The following PSMB2 variants were observed in gnomAD, a reference collection of about 807,000 sequenced individuals.
The protein encoded by PSMB2 is proteasome 20S subunit beta 2.
A neutral mutation model predicts 25.7 loss-of-function variants in PSMB2; 13 were observed. The observed-to-expected ratio is 0.51, with a 90% CI of 0.33 to 0.80. The LOEUF (loss-of-function observed/expected upper bound fraction) is 0.80, where lower values mean the gene tolerates loss of function less well. Among genes scored for constraint, PSMB2 ranks in the 30% least tolerant of loss-of-function variants. The pLI, the probability that PSMB2 is intolerant of heterozygous loss-of-function variation, is 0.02. For missense variants in PSMB2, 202 were observed against 259.0 expected (o/e 0.78, Z 1.51); for synonymous variants, 87 against 96.2 (o/e 0.90, Z 0.56).
chr1:35,622,060 C>A (rs574384), intron 3 of PSMB2, among the ~76,000 whole-genome samples: 100,838 of 152,062 alleles, frequency 0.66, 39,492 homozygotes, highest in Non-Finnish European at 0.9. Flanking sequence ...TAAATATACA[C>A]GTAACAACCT....
chr1:35,621,485 T>C (rs1231640373), intron 3 of PSMB2, among the ~76,000 whole-genome samples: 1 of 152,170 alleles, frequency 6.6e-6, no homozygotes, highest in East Asian at 1.9e-4. Context: ...GAAAAGGAAG[T>C]GTAGAATTCT....
intron 4 of PSMB2, among the ~76,000 whole-genome samples, chr1:35,607,976 A>G (rs1195314818): frequency 6.6e-6 from 1 of 152,248 alleles, no homozygotes; most frequent in Non-Finnish European, 1.5e-5. Context: ...TCATATGTAG[A>G]AGCTAAAAAA....
At chr1:35,608,080 A>C (rs1265738691) in intron 4 of PSMB2, among the ~76,000 whole-genome samples, 2 of 152,154 alleles carry the variant, frequency 1.3e-5, no homozygotes, top group Admixed American at 1.3e-4. Context: ...AAGATACGAA[A>C]TTGGCAGGAC....
chr1:35,617,543 T>C (rs1271880776), intron 3 of PSMB2, among the ~76,000 whole-genome samples: 1 of 152,190 alleles, frequency 6.6e-6, no homozygotes, highest in Admixed American at 6.5e-5. Context: ...TTTCCACATT[T>C]GGAATGTGAA....
chr1:35,638,594 T>C (rs559428534), intron 1 of PSMB2, among the ~76,000 whole-genome samples: 1 of 152,338 alleles, frequency 6.6e-6, no homozygotes. Flanking sequence ...TCCAATATTA[T>C]GATACTCAGT....
rs201814866 is a variant in PSMB2, at chr1:35,624,773, CA to C, written c.285+6500del. On this transcript the variant is annotated intron_variant, in intron 3 of 5. Coordinates refer to ENST00000373237, the MANE Select transcript of PSMB2 (RefSeq NM_002794.5). Reference sequence around the variant, plus strand: ...GTCTCAAAAAAAACAAAAACAAAAACAAAAAAACGCCAGGCACGGTGGCTCA... The same window carrying C: ...GTCTCAAAAAAAACAAAAACAAAAACAAAAAACGCCAGGCACGGTGGCTCA... 4.8e-3 allele frequency among the ~76,000 whole-genome samples: 723 copies of C among 151,174 alleles called. 7 individuals are homozygous for C. The highest frequency in any genetic ancestry group is 0.016 in the African/African-American group (657 of 41,166).
At chr1:35,635,985 T>C (rs998159573) in intron 2 of PSMB2, among the ~76,000 whole-genome samples, 3 of 152,220 alleles carry the variant, frequency 2.0e-5, no homozygotes, top group Admixed American at 6.5e-5. Flanking sequence ...TACTTTAGTA[T>C]GTGACTGTAT....
At chr1:35,629,612 C>T (rs1651029457) in intron 3 of PSMB2, among the ~76,000 whole-genome samples, 1 of 152,098 alleles carries the variant, frequency 6.6e-6, no homozygotes, top group African/African-American at 2.4e-5. Context: ...AGTTCAAGAC[C>T]AGCCTGGGCC....
chr1:35,634,970 T>C (rs1309662687), intron 2 of PSMB2, among the ~76,000 whole-genome samples: 1 of 152,104 alleles, frequency 6.6e-6, no homozygotes, highest in Admixed American at 6.6e-5. Flanking sequence ...AAAAACTTTT[T>C]TGTAGAAGGC....
Position 35,603,055 on chromosome 1 carries a change from A to C in PSMB2, c.*212T>G. The C allele has an allele frequency of 7.5e-7, 1 of 1,325,936 alleles. No individual in the cohort carries two copies. Among genetic ancestry groups the C allele is most frequent in the Non-Finnish European group, 9.6e-7 (1 of 1,036,850 alleles). The allele number at this position is 1,325,936 out of a possible 1,614,324, so 82.1% of individuals were successfully genotyped here. A position where few individuals can be genotyped will look rare whatever the true frequency, so the allele number is the denominator to read the frequency against. ...TAATGGAGGGCGGAGCAGGAAGAAA[A>C]GTCAGACCTGGCAAAAAGATCATCT... On this transcript the variant is annotated 3_prime_UTR_variant, in exon 6 of 6. Transcript: ENST00000373237.
Position 35,601,242 on chromosome 1 carries a change from T to A in PSMB2, c.*2025A>T, listed in dbSNP as rs897091644. The A allele has an allele frequency of 3.3e-6, 2 of 607,550 alleles. No homozygotes were observed. Among genetic ancestry groups the A allele is most frequent in the Non-Finnish European group, 4.1e-6 (2 of 485,452 alleles). 37.6% of individuals were successfully genotyped at this position (607,550 alleles called of 1,614,324 possible). Reference sequence around the variant, plus strand: ...CCACCACGCCTGGCTAATTGTTATATATTTTTTTAGTAGAGATGGGGTTTC... The same window carrying A: ...CCACCACGCCTGGCTAATTGTTATAAATTTTTTTAGTAGAGATGGGGTTTC... On this transcript the variant is annotated 3_prime_UTR_variant, in exon 6 of 6. Transcript: ENST00000373237.
At position 35,637,046 on chromosome 1, in the gene PSMB2, TTTGAAA is replaced by T. The variant is rs1390419302; in HGVS notation, c.92-620_92-615del. ...ATACAATTTAAAGCATTTAAAGGCATTTGAAATGCAAGGAACAGAACGACAGAAGAA... is the reference window on the plus strand; with the variant it reads ...ATACAATTTAAAGCATTTAAAGGCATTGCAAGGAACAGAACGACAGAAGAA... On this transcript the variant is annotated intron_variant, in intron 1 of 5. Transcript: ENST00000373237. Among the ~76,000 whole-genome samples, 3 of 152,312 alleles carry T rather than the reference TTTGAAA, an allele frequency of 2.0e-5. No individual in the cohort carries two copies. In the East Asian group the frequency reaches 5.8e-4, roughly 29 times the overall value.
chr1:35,601,987 T>C lies in PSMB2; in HGVS notation c.*1280A>G, dbSNP rs914252823. ...ATAAGCATATCTATATGTATTGATA[T>C]AAAACAATCTCTAATATAGTGTTAA... On this transcript the variant is annotated 3_prime_UTR_variant, in exon 6 of 6. Transcript: ENST00000373237. The C allele has an allele frequency of 1.0e-5, 9 of 864,006 alleles. No individual in the cohort carries two copies. Among genetic ancestry groups the C allele is most frequent in the African/African-American group, 9.1e-5 (5 of 54,660 alleles). 53.5% of individuals were successfully genotyped at this position (864,006 alleles called of 1,614,324 possible).
intron 2 of PSMB2, 38 bp from the exon 3 acceptor site, chr1:35,631,382 C>T (rs559789024): frequency 3.0e-5 from 48 of 1,610,546 alleles, no homozygotes; most frequent in Non-Finnish European, 4.1e-5. Flanking sequence ...TAAAGTAAAG[C>T]AGAAGGAATA....
chr1:35,640,274 C>T (rs1380642716), intron 1 of PSMB2, among the ~76,000 whole-genome samples: 3 of 152,126 alleles, frequency 2.0e-5, no homozygotes, highest in African/African-American at 4.8e-5. Context: ...CACCTACGTA[C>T]ACTTAGTATT....
chr1:35,631,467 T>C (rs1186392496), intron 2 of PSMB2, 123 bp from the exon 3 acceptor site: 2 of 1,515,756 alleles, frequency 1.3e-6, no homozygotes. Context: ...AAACAAAGCA[T>C]AGACTGAGGG....
chr1:35,631,746 C>G (rs994884701), intron 2 of PSMB2, among the ~76,000 whole-genome samples: 6 of 152,158 alleles, frequency 3.9e-5, no homozygotes, highest in Non-Finnish European at 7.3e-5. Flanking sequence ...GGGGGCCAGT[C>G]ACAGTGGCTC....
intron 5 of PSMB2, among the ~76,000 whole-genome samples, chr1:35,603,796 T>C (rs886380072): frequency 6.6e-6 from 1 of 152,070 alleles, no homozygotes; most frequent in African/African-American, 2.4e-5. Context: ...AGGCCTGTAA[T>C]TGGGAGGTTG....
Position 35,631,262 on chromosome 1 carries a change from T to G in PSMB2, c.285+12A>C. The G allele has an allele frequency of 6.2e-7, 1 of 1,610,074 alleles. No individual in the cohort carries two copies. The highest frequency in any genetic ancestry group is 1.1e-5 in the South Asian group (1 of 91,010). Reference sequence around the variant, plus strand: ...TTCTGCTCTATCTAACAATGTCTGATATATTACTTACCCGACTCCGAAGAC... The same window carrying G: ...TTCTGCTCTATCTAACAATGTCTGAGATATTACTTACCCGACTCCGAAGAC... On this transcript the variant is annotated intron_variant, in intron 3 of 5. Transcript: ENST00000373237.
Sources: allele counts gnomAD v4.1 joint callset (sites outside exome capture counted in the v4.1 genomes callset), GRCh38; gene constraint gnomAD v4.1.1; transcripts MANE v1.5; gene names NCBI Gene and HGNC (gene_info 2026-07-23, HGNC 2026-07-21).